The following DYNC2I1 variants were observed in gnomAD, a reference collection of about 807,000 sequenced individuals.
DYNC2I1 encodes the protein cytoplasmic dynein 2 intermediate chain 1.
Under a neutral mutation model 133.4 loss-of-function variants are expected in DYNC2I1, and 89 were observed. The observed-to-expected ratio is 0.67, with a 90% CI of 0.56 to 0.80. The LOEUF (loss-of-function observed/expected upper bound fraction) is 0.80. Among genes scored for constraint, DYNC2I1 ranks in the 30% least tolerant of loss-of-function variants. DYNC2I1 has a pLI of 0.00. For missense variants in DYNC2I1, 1,291 were observed against 1,314.5 expected (o/e 0.98, Z 0.28); for synonymous variants, 504 against 484.3 (o/e 1.04, Z -0.54).
chr7:158,841,210 TATATATATATA>T, the DYNC2I1 span, among the ~76,000 whole-genome samples: 4 of 84,124 alleles, frequency 4.8e-5, no homozygotes, highest in South Asian at 7.8e-4. Flanking sequence ...TATATATATA[TATATATATATA>T]TTTTAGACAG....
chr7:158,905,299 CCTGT>C (rs1199654513), intron 10 of DYNC2I1: 1 of 306,130 alleles, frequency 3.3e-6, no homozygotes, highest in Non-Finnish European at 6.3e-6. Flanking sequence ...CGTCACCATG[CCTGT>C]CTAATTTTTG....
chr7:158,902,601 C>A lies in DYNC2I1; in HGVS notation c.1357+6C>A. The A allele has an allele frequency of 6.2e-7, 1 of 1,612,386 alleles. No individual in the cohort carries two copies. Among genetic ancestry groups the A allele is most frequent in the Non-Finnish European group, 8.5e-7 (1 of 1,179,180 alleles). On this transcript the variant is annotated splice_donor_region_variant and intron_variant, in intron 10 of 24. Coordinates refer to ENST00000407559, the MANE Select transcript of DYNC2I1 (RefSeq NM_018051.5). ...TGAAAAGGAGCCCAGGACAGGTAAACAAATCAATGCTACTAATGGTGTCCG... is the reference window on the plus strand; with the variant it reads ...TGAAAAGGAGCCCAGGACAGGTAAAAAAATCAATGCTACTAATGGTGTCCG...
At chr7:158,909,533 A>G (rs1433693619) in intron 11 of DYNC2I1, among the ~76,000 whole-genome samples, 1 of 152,112 alleles carries the variant, frequency 6.6e-6, no homozygotes, top group East Asian at 1.9e-4. Context: ...CATCTTACAA[A>G]AGAATATGTA....
intron 16 of DYNC2I1, 62 bp from the exon 17 acceptor site, chr7:158,923,509 G>C (rs1585186010): frequency 1.2e-6 from 2 of 1,612,144 alleles, no homozygotes; most frequent in African/African-American, 1.3e-5. Flanking sequence ...AGTAAATGCA[G>C]CTTGTGTTAG....
chr7:158,841,213 A>ATTTT, the DYNC2I1 span, among the ~76,000 whole-genome samples: 1 of 54,510 alleles, frequency 1.8e-5, no homozygotes, highest in African/African-American at 7.2e-5. Context: ...ATATATATAT[A>ATTTT]TATATATATT....
At chr7:158,894,509 C>T (rs1026805182) in intron 8 of DYNC2I1, among the ~76,000 whole-genome samples, 2 of 152,218 alleles carry the variant, frequency 1.3e-5, no homozygotes, top group African/African-American at 4.8e-5. Flanking sequence ...CCCCCTGTGT[C>T]TCTTCAAGGC....
At chr7:158,884,475 CTG>C in intron 5 of DYNC2I1, 87 bp from the exon 6 acceptor site, 1 of 1,230,626 alleles carries the variant, frequency 8.1e-7, no homozygotes, top group Non-Finnish European at 1.1e-6. Context: ...AATTTTGAAT[CTG>C]TGCTTGTTTT....
intron 8 of DYNC2I1, among the ~76,000 whole-genome samples, chr7:158,892,812 G>C (rs537594706): frequency 6.6e-6 from 1 of 151,744 alleles, no homozygotes; most frequent in Non-Finnish European, 1.5e-5. Context: ...GTGGTGGCGC[G>C]TGCCTGTAAT....
At chr7:158,846,101 A>G in the DYNC2I1 span, among the ~76,000 whole-genome samples, 1 of 152,138 alleles carries the variant, frequency 6.6e-6, no homozygotes, top group East Asian at 1.9e-4. Context: ...CTGTACAAAA[A>G]TACAAAAATT....
the DYNC2I1 span, among the ~76,000 whole-genome samples, chr7:158,839,680 C>T: frequency 2.0e-5 from 3 of 152,070 alleles, no homozygotes; most frequent in South Asian, 2.1e-4. Flanking sequence ...ATTAGCAGGG[C>T]GTGGTGGCGG....
rs1345466618 is a variant in DYNC2I1 at position 158,918,779 on chromosome 7, G to C, written c.1831G>C (p.Glu611Gln). ...VLLEEDRLAA[E>Q]PSWNLRAQDR... The stretch of plus-strand genomic sequence containing the variant: ...GCTGGAAGAGGATCGCTTGGCAGCT[G>C]AACCCAGCTGGAATCTTAGGGCTCA... The change falls in exon 15 of 25, where the codon GAA (glutamate) becomes CAA (glutamine). Residue 611 changes from glutamate (E) to glutamine (Q), a missense_variant. Transcript: ENST00000407559. 1.4e-5 allele frequency: 22 copies of C among 1,613,732 alleles called. No homozygotes were observed. The highest frequency in any genetic ancestry group is 1.9e-5 in the Non-Finnish European group (22 of 1,179,864).
intron 20 of DYNC2I1, among the ~76,000 whole-genome samples, chr7:158,929,755 T>G (rs573616405): frequency 6.6e-6 from 1 of 152,366 alleles, no homozygotes; most frequent in East Asian, 1.9e-4. Flanking sequence ...TCCATAGATT[T>G]CTAGTTTTTC....
the DYNC2I1 span, among the ~76,000 whole-genome samples, chr7:158,850,476 C>T: frequency 2.6e-5 from 4 of 152,246 alleles, no homozygotes; most frequent in African/African-American, 4.8e-5. Flanking sequence ...ACCAGCTCCA[C>T]GCAGTGTGCA....
At chr7:158,898,028 C>T (rs1413719348) in intron 8 of DYNC2I1, among the ~76,000 whole-genome samples, 1 of 151,952 alleles carries the variant, frequency 6.6e-6, no homozygotes, top group African/African-American at 2.4e-5. Flanking sequence ...GTTGTTTAAT[C>T]TTCATATATT....
intron 1 of DYNC2I1, among the ~76,000 whole-genome samples, chr7:158,864,471 G>A (rs1842222093): frequency 6.6e-6 from 1 of 152,114 alleles, no homozygotes; most frequent in African/African-American, 2.4e-5. Context: ...TTAGAAACAT[G>A]TTATAAGCAG....
chr7:158,893,094 C>T (rs916288242), intron 8 of DYNC2I1, among the ~76,000 whole-genome samples: 7 of 152,030 alleles, frequency 4.6e-5, no homozygotes, highest in East Asian at 3.9e-4. Context: ...CATTATCATC[C>T]GAAGTCCAAG....
intron 20 of DYNC2I1, among the ~76,000 whole-genome samples, chr7:158,928,666 C>T (rs890048612): frequency 2.0e-5 from 3 of 152,144 alleles, no homozygotes; most frequent in Non-Finnish European, 2.9e-5. Flanking sequence ...CTCCAGGCTG[C>T]CCCTAGAATC....
intron 20 of DYNC2I1, 86 bp from the exon 21 acceptor site, chr7:158,930,369 A>G (rs1325422005): frequency 8.8e-7 from 1 of 1,136,332 alleles, no homozygotes; most frequent in Non-Finnish European, 1.3e-6. Context: ...TATTTAAGCA[A>G]TGAAAAATGA....
At chr7:158,951,683 G>T (rs1279483924) in intron 4 of DYNC2I1, among the ~76,000 whole-genome samples, 1 of 152,190 alleles carries the variant, frequency 6.6e-6, no homozygotes. Context: ...TTCTTCCCGG[G>T]CTCCTCTGAG....
Sources: gnomAD v4.1 joint callset for allele counts (sites outside exome capture counted in the v4.1 genomes callset) on GRCh38, gnomAD v4.1.1 for gene constraint, MANE v1.5 for transcripts, NCBI Gene and HGNC (gene_info 2026-07-23, HGNC 2026-07-21) for gene names.